IKZF3: variants seen among roughly 807,000 people sequenced by gnomAD.
The protein encoded by IKZF3 is IKAROS family zinc finger 3, also known as zinc finger protein Aiolos.
A neutral mutation model predicts 49.0 loss-of-function variants in IKZF3; 10 were observed. That is an observed-to-expected ratio of 0.20 (90% CI 0.13 to 0.35). The LOEUF (loss-of-function observed/expected upper bound fraction) is 0.35, where lower values mean the gene tolerates loss of function less well. IKZF3 is among the 10% of genes least tolerant of loss of function. The probability of loss-of-function intolerance (pLI) is 1.00; values close to 1 mark genes in which losing one functional copy is unlikely to be tolerated. For synonymous variants in IKZF3, 209 were observed against 228.2 expected (o/e 0.92, Z 0.76); for missense variants, 498 against 664.8 (o/e 0.75, Z 2.76).
intron 3 of IKZF3, among the ~76,000 whole-genome samples, chr17:39,818,701 T>C (rs891444220): frequency 6.6e-6 from 1 of 151,904 alleles, no homozygotes; most frequent in Non-Finnish European, 1.5e-5. Flanking sequence ...CTCCTAAAAA[T>C]ATAAAAATTA....
At chr17:39,800,434 T>C (rs1182317287) in intron 3 of IKZF3, among the ~76,000 whole-genome samples, 1 of 152,230 alleles carries the variant, frequency 6.6e-6, no homozygotes, top group Non-Finnish European at 1.5e-5. Context: ...GAATACCTTT[T>C]TTATAACTGA....
At chr17:39,803,607 G>A (rs1022227701) in intron 3 of IKZF3, among the ~76,000 whole-genome samples, 2 of 150,442 alleles carry the variant, frequency 1.3e-5, no homozygotes, top group East Asian at 2.0e-4. Context: ...TCCACCTCCC[G>A]GGTTCAAGCC....
chr17:39,769,921 G>C (rs2060394638), intron 7 of IKZF3, among the ~76,000 whole-genome samples: 1 of 152,202 alleles, frequency 6.6e-6, no homozygotes, highest in Non-Finnish European at 1.5e-5. Context: ...AAAACATTAA[G>C]AGGAAGATAA....
intron 3 of IKZF3, among the ~76,000 whole-genome samples, chr17:39,812,179 A>G (rs2061576043): frequency 6.6e-6 from 1 of 152,234 alleles, no homozygotes; most frequent in South Asian, 2.1e-4. Flanking sequence ...CATATTTTAC[A>G]AGATAAAATT....
At chr17:39,835,272 T>C (rs1341060748) in intron 1 of IKZF3, 6 of 551,754 alleles carry the variant, frequency 1.1e-5, no homozygotes, top group Non-Finnish European at 2.1e-5. Context: ...CAGGGCCAGC[T>C]TGATGGTCAT....
intron 1 of IKZF3, among the ~76,000 whole-genome samples, chr17:39,861,928 C>G (rs777326133): frequency 6.6e-5 from 10 of 152,048 alleles, no homozygotes; most frequent in Non-Finnish European, 8.8e-5. Context: ...AATCTTTACT[C>G]AATATTGTTA....
chr17:39,825,843 T>G (rs1237094031), intron 3 of IKZF3, among the ~76,000 whole-genome samples: 1 of 151,810 alleles, frequency 6.6e-6, no homozygotes, highest in Non-Finnish European at 1.5e-5. Context: ...CCCAGAAGAG[T>G]TCTATAATAA....
intron 1 of IKZF3, among the ~76,000 whole-genome samples, chr17:39,853,582 T>A (rs1008695336): frequency 6.6e-6 from 1 of 152,156 alleles, no homozygotes; most frequent in South Asian, 2.1e-4. Context: ...ACACCTGTAA[T>A]TCCAGCACTT....
At position 39,765,791 on chromosome 17, in the gene IKZF3, C is replaced by A; in HGVS notation, c.1529G>T (p.Ter510LeuextTer19). The stretch of plus-strand genomic sequence containing the variant: ...GGAGCAATCCCTGAGACCAGATATT[C>A]ACTTCAGCAGGGCTCTGTGTTCTCC... ...ARGEHRALLK* is the reference protein window; with the variant it reads ...ARGEHRALLKL Residue 510 changes from the stop codon to leucine, a stop_lost, in exon 8 of 8, where the codon TGA becomes TTA. Coordinates refer to ENST00000346872, the MANE Select transcript of IKZF3 (RefSeq NM_012481.5). The A allele has an allele frequency of 6.3e-7, 1 of 1,588,278 alleles. No individual in the cohort carries two copies. The highest frequency in any genetic ancestry group is 1.1e-5 in the South Asian group (1 of 89,052).
intron 6 of IKZF3, among the ~76,000 whole-genome samples, chr17:39,783,869 C>T (rs541501374): frequency 3.3e-5 from 5 of 152,006 alleles, no homozygotes; most frequent in South Asian, 2.1e-4. Context: ...GCGGAGGTTG[C>T]GGTGAGCTGA....
At chr17:39,809,276 A>G (rs1418430250) in intron 3 of IKZF3, among the ~76,000 whole-genome samples, 3 of 152,232 alleles carry the variant, frequency 2.0e-5, no homozygotes, top group Non-Finnish European at 4.4e-5. Flanking sequence ...CAAGACTGTC[A>G]TTCCTGCAAC....
At chr17:39,826,672 C>A (rs911936106) in intron 3 of IKZF3, among the ~76,000 whole-genome samples, 1 of 152,086 alleles carries the variant, frequency 6.6e-6, no homozygotes, top group Admixed American at 6.6e-5. Flanking sequence ...GGTAAAAGAC[C>A]CCCCTTCCAG....
intron 6 of IKZF3, among the ~76,000 whole-genome samples, chr17:39,786,805 G>A (rs1326381465): frequency 6.6e-6 from 1 of 151,942 alleles, no homozygotes; most frequent in Non-Finnish European, 1.5e-5. Context: ...ATTTGGATAA[G>A]CTTTATCCAA....
At chr17:39,807,496 T>C (rs1568003831) in intron 3 of IKZF3, among the ~76,000 whole-genome samples, 1 of 142,340 alleles carries the variant, frequency 7.0e-6, no homozygotes, top group Admixed American at 7.3e-5. Context: ...CCTCCTAGGC[T>C]CAAGCAATCC....
intron 4 of IKZF3, among the ~76,000 whole-genome samples, chr17:39,791,887 C>T (rs980159814): frequency 2.4e-5 from 3 of 126,836 alleles, no homozygotes; most frequent in African/African-American, 3.1e-5. Context: ...TTGGTACTCC[C>T]TTTTTTTTTT....
intron 1 of IKZF3, among the ~76,000 whole-genome samples, chr17:39,849,826 AC>A (rs1193816065): frequency 2.0e-5 from 3 of 151,802 alleles, no homozygotes; most frequent in African/African-American, 7.3e-5. Flanking sequence ...CTCACTACAC[AC>A]CCAAAAGAAT....
intron 3 of IKZF3, among the ~76,000 whole-genome samples, chr17:39,796,827 T>G (rs1245218249): frequency 2.1e-5 from 3 of 145,718 alleles, no homozygotes; most frequent in Non-Finnish European, 4.5e-5. Context: ...ATTACAGGAG[T>G]GAGCCACTGC....
chr17:39,782,724 G>T (rs34016964), intron 6 of IKZF3, among the ~76,000 whole-genome samples: 14,099 of 152,138 alleles, frequency 0.093, 1,335 homozygotes, highest in African/African-American at 0.25. Context: ...GTTTGGCGGT[G>T]TAATGCTGCA....
intron 7 of IKZF3, among the ~76,000 whole-genome samples, chr17:39,768,060 A>C (rs2060337945): frequency 6.6e-6 from 1 of 152,134 alleles, no homozygotes; most frequent in Admixed American, 6.5e-5. Context: ...TCAAAAAAAA[A>C]AGTTGTAAAA....
Sources: allele counts gnomAD v4.1 joint callset (sites outside exome capture counted in the v4.1 genomes callset), GRCh38; gene constraint gnomAD v4.1.1; transcripts MANE v1.5; gene names NCBI Gene and HGNC (gene_info 2026-07-23, HGNC 2026-07-21).